FGD4: variants seen among roughly 807,000 people sequenced by gnomAD.
FGD4 encodes FYVE, RhoGEF and PH domain-containing protein 4.
Under a neutral mutation model 102.0 loss-of-function variants are expected in FGD4, and 42 were observed. That is an observed-to-expected ratio of 0.41 (90% CI 0.32 to 0.53). The LOEUF (loss-of-function observed/expected upper bound fraction) is 0.53, where lower values mean the gene tolerates loss of function less well. FGD4 is among the 20% of genes least tolerant of loss of function. The pLI is 0.21. For missense variants in FGD4, 902 were observed against 1,078.2 expected (o/e 0.84, Z 2.29); for synonymous variants, 380 against 375.7 (o/e 1.01, Z -0.13).
intron 1 of FGD4, among the ~76,000 whole-genome samples, chr12:32,443,864 A>C (rs1223658836): frequency 1.3e-5 from 2 of 151,880 alleles, no homozygotes; most frequent in African/African-American, 4.8e-5. Context: ...AAGAAGGAAA[A>C]ATATTTATTT....
chr12:32,474,899 ATC>A (rs1251071582), intron 1 of FGD4, among the ~76,000 whole-genome samples: 1 of 152,166 alleles, frequency 6.6e-6, no homozygotes, highest in Non-Finnish European at 1.5e-5. Flanking sequence ...GCCAGACCCT[ATC>A]TCCAAATTAA....
chr12:32,564,370 G>T (rs1391802275), intron 2 of FGD4, 81 bp downstream of exon 2: 3 of 1,471,992 alleles, frequency 2.0e-6, no homozygotes, highest in African/African-American at 1.4e-5. Context: ...TGGCCACAAA[G>T]AAAGTGTTTT....
intron 1 of FGD4, among the ~76,000 whole-genome samples, chr12:32,483,639 A>G (rs1288920736): frequency 1.3e-5 from 2 of 152,218 alleles, no homozygotes; most frequent in African/African-American, 2.4e-5. Context: ...TCATTGGCAT[A>G]TGGTCAGTTT....
chr12:32,595,947 T>G (rs1333784071), intron 4 of FGD4, among the ~76,000 whole-genome samples: 1 of 152,260 alleles, frequency 6.6e-6, no homozygotes, highest in Non-Finnish European at 1.5e-5. Flanking sequence ...AAGGATCTTG[T>G]GTGTAAAGTG....
At chr12:32,447,733 A>C (rs1394303379) in intron 1 of FGD4, among the ~76,000 whole-genome samples, 3 of 152,218 alleles carry the variant, frequency 2.0e-5, no homozygotes, top group Admixed American at 6.5e-5. Context: ...AGAGAAGTGT[A>C]ACTTGGTTAA....
At chr12:32,617,708 C>A (rs958249532) in intron 10 of FGD4, among the ~76,000 whole-genome samples, 31 of 152,190 alleles carry the variant, frequency 2.0e-4, no homozygotes, top group African/African-American at 7.0e-4. Flanking sequence ...GCTATAACTT[C>A]TTTTTTCAGT....
At chr12:32,562,647 A>AC (rs1469075520) in intron 1 of FGD4, among the ~76,000 whole-genome samples, 2 of 152,192 alleles carry the variant, frequency 1.3e-5, no homozygotes, top group African/African-American at 4.8e-5. Context: ...GCTCTGTTTA[A>AC]CAAAGCACAT....
At chr12:32,459,156 G>C (rs1485716267) in intron 1 of FGD4, among the ~76,000 whole-genome samples, 1 of 150,250 alleles carries the variant, frequency 6.7e-6, no homozygotes, top group Non-Finnish European at 1.5e-5. Context: ...AATTTGGTTG[G>C]CAAATTGTGT....
chr12:32,497,524 T>G (rs1315263917), intron 1 of FGD4, among the ~76,000 whole-genome samples: 2 of 152,228 alleles, frequency 1.3e-5, no homozygotes, highest in African/African-American at 4.8e-5. Flanking sequence ...TTAGGCTTTT[T>G]GGGTTCACTG....
chr12:32,609,828 A>G (rs980474488), intron 8 of FGD4, among the ~76,000 whole-genome samples: 15 of 152,200 alleles, frequency 9.9e-5, no homozygotes, highest in African/African-American at 3.6e-4. Flanking sequence ...GGTATTCACA[A>G]AACAGAAAAG....
intron 1 of FGD4, among the ~76,000 whole-genome samples, chr12:32,453,200 TTATATA>T (rs1209887127): frequency 3.1e-5 from 2 of 64,588 alleles, no homozygotes; most frequent in African/African-American, 1.0e-4. Context: ...TATATATATA[TTATATA>T]TATATATATA....
chr12:32,625,955 G>A (rs1373610600), intron 14 of FGD4, among the ~76,000 whole-genome samples, 176 bp downstream of exon 14: 1 of 152,208 alleles, frequency 6.6e-6, no homozygotes, highest in African/African-American at 2.4e-5. Context: ...TAGACAAAAT[G>A]TTCCCTGGCT....
intron 1 of FGD4, chr12:32,477,329 A>T (rs1041469958): frequency 1.3e-5 from 2 of 152,326 alleles, no homozygotes; most frequent in Non-Finnish European, 2.9e-5. Flanking sequence ...AGGTAGCAAG[A>T]AAACCTTTCC....
intron 1 of FGD4, among the ~76,000 whole-genome samples, chr12:32,552,139 A>AAG (rs1321681357): frequency 6.6e-6 from 1 of 152,238 alleles, no homozygotes. Context: ...AGCAGGCAGA[A>AAG]AGAGACACAT....
rs373524529 is a variant in FGD4, at chr12:32,630,709, G to A, written c.2173-2840G>A. 1.8e-4 allele frequency among the ~76,000 whole-genome samples: 28 copies of A among 152,042 alleles called. 2 individuals are homozygous for A. The highest frequency in any genetic ancestry group is 2.1e-4 in the Non-Finnish European group (14 of 67,986). On this transcript the variant is annotated intron_variant, in intron 14 of 16. Transcript: ENST00000534526. ...CATGTGCTTGTAATCCCAGATACTCGGGAGGCTGAGGCAGGAGAATGGCTT... is the reference window on the plus strand; with the variant it reads ...CATGTGCTTGTAATCCCAGATACTCAGGAGGCTGAGGCAGGAGAATGGCTT...
chr12:32,596,929 CTG>C, intron 4 of FGD4, among the ~76,000 whole-genome samples: 1 of 148,586 alleles, frequency 6.7e-6, no homozygotes, highest in Non-Finnish European at 1.5e-5. Flanking sequence ...GAGCAAAACT[CTG>C]TCTTAAAAAA....
intron 1 of FGD4, chr12:32,485,860 G>A (rs1307227010): frequency 2.4e-6 from 3 of 1,233,568 alleles, no homozygotes; most frequent in Non-Finnish European, 3.0e-6. Context: ...AGCTCTCTCA[G>A]TACATTTTGA....
chr12:32,558,892 G>C (rs1284658707), intron 1 of FGD4, among the ~76,000 whole-genome samples: 2 of 152,144 alleles, frequency 1.3e-5, no homozygotes, highest in African/African-American at 4.8e-5. Flanking sequence ...AGTACAAAAT[G>C]GGTTAATACT....
chr12:32,541,377 G>GT lies in FGD4; in HGVS notation c.167-22752dup, dbSNP rs1255546066. On this transcript the variant is annotated intron_variant, in intron 1 of 16. Transcript: ENST00000534526. Reference sequence around the variant, plus strand: ...TTAGTAAAATGGGGTTTATAGTAATGTTTTTTTTGAGACAGAGTCTCACTC... The same window carrying GT: ...TTAGTAAAATGGGGTTTATAGTAATGTTTTTTTTTGAGACAGAGTCTCACTC... 2.4e-4 allele frequency among the ~76,000 whole-genome samples: 36 copies of GT among 151,898 alleles called. No homozygotes were observed. In the East Asian group the frequency reaches 4.6e-3, roughly 20 times the overall value.
Sources: allele counts gnomAD v4.1 joint callset (sites outside exome capture counted in the v4.1 genomes callset), GRCh38; gene constraint gnomAD v4.1.1; transcripts MANE v1.5; gene names NCBI Gene and HGNC (gene_info 2026-07-23, HGNC 2026-07-21).